The following THNSL1 variants were observed in gnomAD, a reference collection of about 807,000 sequenced individuals.
THNSL1 encodes threonine synthase-like 1.
A neutral mutation model predicts 50.4 loss-of-function variants in THNSL1; 48 were observed. That is an observed-to-expected ratio of 0.95 (90% confidence interval 0.76 to 1.21). The LOEUF (loss-of-function observed/expected upper bound fraction) is 1.21, where lower values mean the gene tolerates loss of function less well. Ranked by LOEUF, THNSL1 falls within the 50% of genes most tolerant of loss-of-function variation. The probability of loss-of-function intolerance (pLI) is 0.00; values close to 1 mark genes in which losing one functional copy is unlikely to be tolerated. For missense variants in THNSL1, 896 were observed against 871.7 expected (o/e 1.03, Z -0.35); for synonymous variants, 309 against 306.1 (o/e 1.01, Z -0.10).
the THNSL1 span, among the ~76,000 whole-genome samples, chr10:24,991,479 G>C: frequency 6.6e-4 from 100 of 151,882 alleles, no homozygotes; most frequent in East Asian, 0.018. Context: ...GAACGTATAA[G>C]TGGAGGCTGT....
the THNSL1 span, among the ~76,000 whole-genome samples, chr10:24,963,041 C>T: frequency 6.6e-6 from 1 of 152,114 alleles, no homozygotes; most frequent in Non-Finnish European, 1.5e-5. Flanking sequence ...CTTTCTAATT[C>T]CAAGATTGAT....
the THNSL1 span, among the ~76,000 whole-genome samples, chr10:25,001,994 A>G: frequency 1.3e-5 from 2 of 151,892 alleles, no homozygotes; most frequent in Non-Finnish European, 2.9e-5. Flanking sequence ...GGTGTTCTTT[A>G]AATTTCTTCC....
chr10:24,967,709 G>A, the THNSL1 span, among the ~76,000 whole-genome samples: 1 of 151,516 alleles, frequency 6.6e-6, no homozygotes, highest in Admixed American at 6.6e-5. Context: ...TATGATGTGT[G>A]TATACGTGTG....
rs2132768907 is a variant in THNSL1 at position 25,026,578 on chromosome 10, T to A, written c.*1123T>A. 6.0e-6 allele frequency: 1 copy of A among 166,184 alleles called. No homozygotes were observed. The highest frequency in any genetic ancestry group is 1.5e-5 in the Non-Finnish European group (1 of 68,118). 10.3% of individuals were successfully genotyped at this position (166,184 alleles called of 1,614,324 possible). A position where few individuals can be genotyped will look rare whatever the true frequency, so the allele number is the denominator to read the frequency against. Reference sequence around the variant, plus strand: ...ACTGATACACATATTTAATTTGTATTCCTTTGTAGTAATACATTTTAACCA... The same window carrying A: ...ACTGATACACATATTTAATTTGTATACCTTTGTAGTAATACATTTTAACCA... On this transcript the variant is annotated 3_prime_UTR_variant, in exon 3 of 3. Transcript: ENST00000376356.
At chr10:25,005,158 G>A in the THNSL1 span, among the ~76,000 whole-genome samples, 4 of 152,082 alleles carry the variant, frequency 2.6e-5, no homozygotes, top group Non-Finnish European at 1.5e-5. Flanking sequence ...TTTGGTTACT[G>A]CAGCCCTGTA....
chr10:25,024,709 A>C lies in THNSL1; in HGVS notation c.1486A>C (p.Ile496Leu), dbSNP rs1355167929. The change falls in exon 3 of 3, where the codon ATT (isoleucine) becomes CTT (leucine). Residue 496 changes from isoleucine to leucine, a missense_variant. By Grantham distance (5) the Ile-to-Leu change is conservative (BLOSUM62 2). Coordinates refer to ENST00000376356, the MANE Select transcript of THNSL1 (RefSeq NM_024838.5). ...TCTTGATCTTGTTAGTCAAGGATTT[A>C]TTTCTTTTGGAAGCCCAGTCGATGT... is the stretch of plus-strand genomic sequence containing the variant. ...AYLDLVSQGF[I>L]SFGSPVDVCI... 12 of 1,614,036 alleles carry C rather than the reference A, an allele frequency of 7.4e-6. No individual in the cohort carries two copies. The highest frequency in any genetic ancestry group is 1.3e-5 in the African/African-American group (1 of 74,932).
the THNSL1 span, among the ~76,000 whole-genome samples, chr10:24,975,670 G>T: frequency 6.6e-6 from 1 of 152,150 alleles, no homozygotes; most frequent in Non-Finnish European, 1.5e-5. Context: ...CACCATGTAA[G>T]ATGTTCCTGC....
At chr10:25,012,803 T>C (rs1044852136), upstream of THNSL1, among the ~76,000 whole-genome samples, 1 of 152,160 alleles carries the variant, frequency 6.6e-6, no homozygotes, top group Non-Finnish European at 1.5e-5. Flanking sequence ...CTGAAATGAG[T>C]TAAGACTTTG....
the THNSL1 span, chr10:24,984,126 G>A: frequency 2.4e-6 from 1 of 412,666 alleles, no homozygotes; most frequent in African/African-American, 2.0e-5. Flanking sequence ...TCTTGATTTT[G>A]TAAGTTGTCT....
At chr10:24,998,877 C>T in the THNSL1 span, among the ~76,000 whole-genome samples, 4 of 152,294 alleles carry the variant, frequency 2.6e-5, no homozygotes, top group Admixed American at 1.3e-4. Context: ...TAAGCTGGTT[C>T]TACCACTTAT....
At chr10:24,965,575 C>G in the THNSL1 span, among the ~76,000 whole-genome samples, 1 of 152,188 alleles carries the variant, frequency 6.6e-6, no homozygotes, top group East Asian at 1.9e-4. Context: ...AAATTAAGTT[C>G]TCTGTGAAAT....
chr10:25,008,048 T>C, the THNSL1 span, among the ~76,000 whole-genome samples: 3 of 150,316 alleles, frequency 2.0e-5, no homozygotes, highest in Non-Finnish European at 3.0e-5. Context: ...GAAGGGCAGT[T>C]GGACAAAATG....
chr10:25,016,486 G>C (rs1291130504), upstream of THNSL1, among the ~76,000 whole-genome samples: 1 of 152,232 alleles, frequency 6.6e-6, no homozygotes, highest in South Asian at 2.1e-4. Flanking sequence ...GAGACCACGA[G>C]GACGCAAGGC....
chr10:25,022,666 A>C (rs961614374), intron 2 of THNSL1, among the ~76,000 whole-genome samples: 1 of 152,180 alleles, frequency 6.6e-6, no homozygotes, highest in African/African-American at 2.4e-5. Flanking sequence ...ATTTATGAGT[A>C]ATATAGTCTG....
At chr10:24,994,324 G>T in the THNSL1 span, among the ~76,000 whole-genome samples, 1 of 136,764 alleles carries the variant, frequency 7.3e-6, no homozygotes, top group African/African-American at 2.7e-5. Flanking sequence ...TTATTCTTTA[G>T]AATTCTGCAC....
the THNSL1 span, among the ~76,000 whole-genome samples, chr10:24,964,731 C>A: frequency 6.6e-6 from 1 of 152,228 alleles, no homozygotes; most frequent in African/African-American, 2.4e-5. Flanking sequence ...ACAGCAGGAT[C>A]CAGAAGTGAG....
the THNSL1 span, among the ~76,000 whole-genome samples, chr10:24,997,448 G>T: frequency 6.7e-6 from 1 of 148,998 alleles, no homozygotes; most frequent in Non-Finnish European, 1.5e-5. Context: ...GTGCAGTGAT[G>T]CAATCATAGC....
chr10:24,993,112 A>C, the THNSL1 span, among the ~76,000 whole-genome samples: 1 of 152,212 alleles, frequency 6.6e-6, no homozygotes, highest in Non-Finnish European at 1.5e-5. Flanking sequence ...TGGGCAACAT[A>C]GTGAGACTCC....
intron 1 of THNSL1, among the ~76,000 whole-genome samples, chr10:25,020,516 C>A (rs1850698767): frequency 6.6e-6 from 1 of 151,952 alleles, no homozygotes; most frequent in South Asian, 2.1e-4. Flanking sequence ...CCTCTAATCC[C>A]AGCACTTTGG....
Sources: allele counts gnomAD v4.1 joint callset (sites outside exome capture counted in the v4.1 genomes callset), GRCh38; gene constraint gnomAD v4.1.1; transcripts MANE v1.5; gene names NCBI Gene and HGNC (gene_info 2026-07-23, HGNC 2026-07-21).